Variants in RUNDC3B observed in about 807,000 individuals in gnomAD.
The protein encoded by RUNDC3B is RUN domain-containing protein 3B.
A neutral mutation model predicts 58.4 loss-of-function variants in RUNDC3B; 33 were observed. That is an observed-to-expected ratio of 0.56 (90% CI 0.43 to 0.75). RUNDC3B has a LOEUF of 0.75. Among genes scored for constraint, RUNDC3B ranks in the 30% least tolerant of loss-of-function variants. RUNDC3B has a pLI of 0.00. For missense variants in RUNDC3B, 501 were observed against 535.7 expected (o/e 0.94, Z 0.64); for synonymous variants, 193 against 195.2 (o/e 0.99, Z 0.10).
chr7:87,671,199 C>A (rs567395332), intron 2 of RUNDC3B, among the ~76,000 whole-genome samples: 1 of 152,094 alleles, frequency 6.6e-6, no homozygotes, highest in Non-Finnish European at 1.5e-5. Flanking sequence ...CTGTGGGAGA[C>A]GTACTGGCCT....
At chr7:87,789,928 G>A (rs748291764) in intron 8 of RUNDC3B, among the ~76,000 whole-genome samples, 2 of 152,182 alleles carry the variant, frequency 1.3e-5, no homozygotes, top group African/African-American at 2.4e-5. Flanking sequence ...CAGCATCTCT[G>A]GACCCACCCA....
At chr7:87,675,433 T>C (rs1826228100) in intron 2 of RUNDC3B, among the ~76,000 whole-genome samples, 1 of 152,170 alleles carries the variant, frequency 6.6e-6, no homozygotes, top group South Asian at 2.1e-4. Context: ...GAAGGCATTA[T>C]GCTTCCTGAC....
intron 6 of RUNDC3B, among the ~76,000 whole-genome samples, chr7:87,746,816 A>G (rs1832668985): frequency 6.6e-6 from 1 of 152,206 alleles, no homozygotes; most frequent in African/African-American, 2.4e-5. Flanking sequence ...ATTCAATGTC[A>G]GTATTGAAAT....
chr7:87,746,837 C>G (rs1832670238), intron 6 of RUNDC3B, among the ~76,000 whole-genome samples: 1 of 152,122 alleles, frequency 6.6e-6, no homozygotes, highest in African/African-American at 2.4e-5. Context: ...GTGAGGTACC[C>G]TTGCATTCAT....
At chr7:87,661,092 A>C (rs1481537853) in intron 2 of RUNDC3B, among the ~76,000 whole-genome samples, 3 of 151,922 alleles carry the variant, frequency 2.0e-5, no homozygotes, top group African/African-American at 7.2e-5. Context: ...ATTTTAAATG[A>C]TTTTATTCTG....
At chr7:87,654,265 C>T (rs1004402285) in intron 2 of RUNDC3B, among the ~76,000 whole-genome samples, 1 of 151,804 alleles carries the variant, frequency 6.6e-6, no homozygotes, top group African/African-American at 2.4e-5. Flanking sequence ...CACAAAAGAC[C>T]CTGACCAAAG....
chr7:87,714,592 G>T (rs534373566), intron 4 of RUNDC3B, among the ~76,000 whole-genome samples: 1 of 152,234 alleles, frequency 6.6e-6, no homozygotes, highest in East Asian at 1.9e-4. Flanking sequence ...TTAATCAGCA[G>T]TAACAGTTGC....
At chr7:87,759,145 T>A (rs1188196767) in intron 6 of RUNDC3B, among the ~76,000 whole-genome samples, 1 of 152,174 alleles carries the variant, frequency 6.6e-6, no homozygotes, top group Non-Finnish European at 1.5e-5. Context: ...TGGAATATTA[T>A]TCAGCCACAA....
intron 8 of RUNDC3B, among the ~76,000 whole-genome samples, chr7:87,795,447 A>C (rs1028312720): frequency 9.2e-5 from 14 of 152,226 alleles, no homozygotes; most frequent in African/African-American, 3.4e-4. Context: ...CACCCCAGTT[A>C]AAATGGCTTC....
chr7:87,794,074 C>A lies in RUNDC3B; in HGVS notation c.957-13299C>A, dbSNP rs568143121. ...TAAAAATGAAATAAAGAAATGTAAT[C>A]CCATTTACAATAGCCATAAATTAAA... On this transcript the variant is annotated intron_variant, in intron 8 of 10. Transcript: ENST00000394654. 1.1e-4 allele frequency among the ~76,000 whole-genome samples: 16 copies of A among 152,206 alleles called. No individual in the cohort carries two copies. In the South Asian group the frequency reaches 3.1e-3, roughly 30 times the overall value.
intron 9 of RUNDC3B, among the ~76,000 whole-genome samples, chr7:87,809,684 G>A (rs959217081): frequency 1.3e-5 from 2 of 152,146 alleles, no homozygotes; most frequent in Non-Finnish European, 2.9e-5. Flanking sequence ...TGAACCTTAT[G>A]TAAAATTAAA....
chr7:87,684,746 CAAAAAAAAAAAAAA>C (rs71524694), intron 2 of RUNDC3B, among the ~76,000 whole-genome samples: 31 of 37,792 alleles, frequency 8.2e-4, no homozygotes, highest in Non-Finnish European at 1.1e-3. Context: ...GACTCCGTCT[CAAAAAAAAAAAAAA>C]AAAAAAAAAA....
intron 6 of RUNDC3B, among the ~76,000 whole-genome samples, chr7:87,767,591 A>G (rs1584150506): frequency 6.6e-6 from 1 of 152,182 alleles, no homozygotes; most frequent in African/African-American, 2.4e-5. Context: ...ATAACCTAGC[A>G]CTATGCCCTT....
intron 4 of RUNDC3B, among the ~76,000 whole-genome samples, chr7:87,711,092 C>T (rs992046087): frequency 5.3e-5 from 8 of 151,868 alleles, no homozygotes; most frequent in African/African-American, 1.5e-4. Context: ...TTTGGGAGGC[C>T]GAGGCTGGCA....
chr7:87,800,930 C>T (rs990343306), intron 8 of RUNDC3B, among the ~76,000 whole-genome samples: 1 of 152,006 alleles, frequency 6.6e-6, no homozygotes, highest in Non-Finnish European at 1.5e-5. Context: ...GCCACTGTAC[C>T]CAGCCAAAAT....
chr7:87,763,338 C>T (rs1833802051), intron 6 of RUNDC3B, among the ~76,000 whole-genome samples: 1 of 151,472 alleles, frequency 6.6e-6, no homozygotes, highest in African/African-American at 2.4e-5. Flanking sequence ...TTAGGTTTAC[C>T]CATAAGTTTA....
At chr7:87,657,314 A>G (rs893832242) in intron 2 of RUNDC3B, among the ~76,000 whole-genome samples, 50 of 152,192 alleles carry the variant, frequency 3.3e-4, no homozygotes, top group Admixed American at 3.1e-3. Flanking sequence ...CCTCTCCACA[A>G]GATACTATTC....
At chr7:87,686,546 T>G (rs901264285) in intron 2 of RUNDC3B, among the ~76,000 whole-genome samples, 4 of 152,136 alleles carry the variant, frequency 2.6e-5, no homozygotes, top group African/African-American at 9.7e-5. Context: ...AATTTAGCAG[T>G]AAAGTCATCA....
At chr7:87,641,999 T>G (rs1584977849) in intron 1 of RUNDC3B, among the ~76,000 whole-genome samples, 1 of 151,996 alleles carries the variant, frequency 6.6e-6, no homozygotes, top group African/African-American at 2.4e-5. Context: ...TATCTTAACA[T>G]GATAAGAAAA....
Sources: allele counts gnomAD v4.1 joint callset (sites outside exome capture counted in the v4.1 genomes callset), GRCh38; gene constraint gnomAD v4.1.1; transcripts MANE v1.5; gene names NCBI Gene and HGNC (gene_info 2026-07-23, HGNC 2026-07-21).